Variants in GPLD1 observed in about 807,000 individuals in gnomAD.
The protein encoded by GPLD1 is glycosylphosphatidylinositol specific phospholipase D1, also known as phosphatidylinositol-glycan-specific phospholipase D.
Under a neutral mutation model 112.6 loss-of-function variants are expected in GPLD1, and 84 were observed. The observed-to-expected ratio is 0.75, with a 90% confidence interval of 0.63 to 0.89. GPLD1 has a LOEUF of 0.89. Ranked by LOEUF, GPLD1 falls within the 40% of genes least tolerant of loss-of-function variation. The pLI, the probability that GPLD1 is intolerant of heterozygous loss-of-function variation, is 0.00. For missense variants in GPLD1, 1,044 were observed against 1,051.5 expected, an observed-to-expected ratio of 0.99 and a Z score of 0.10; for synonymous variants, 386 against 403.8, an observed-to-expected ratio of 0.96 and a Z score of 0.53.
chr6:24,450,105 G>T (rs369901351), intron 14 of GPLD1, among the ~76,000 whole-genome samples: 23 of 152,218 alleles, frequency 1.5e-4, no homozygotes, highest in African/African-American at 4.8e-4. Flanking sequence ...TCTGCCTTGA[G>T]GGGAAGCAGA....
chr6:24,483,861 A>G (rs1371430137), intron 2 of GPLD1, among the ~76,000 whole-genome samples: 2 of 151,446 alleles, frequency 1.3e-5, no homozygotes, highest in Non-Finnish European at 2.9e-5. Flanking sequence ...CTCCTGCCTC[A>G]GCCTTCCAAG....
chr6:24,486,699 T>C lies in GPLD1; in HGVS notation c.98-569A>G, dbSNP rs1764388211. 2.0e-5 allele frequency among the ~76,000 whole-genome samples: 3 copies of C among 152,060 alleles called. No homozygotes were observed. In the South Asian group the frequency reaches 6.2e-4, roughly 32 times the overall value. On this transcript the variant is annotated intron_variant, in intron 1 of 24. Transcript: ENST00000230036. The stretch of plus-strand genomic sequence containing the variant: ...CAGGCATGGTGGCGCATGCCTGTAA[T>C]CCCAGCTACTTGGGAGGCTGAGGCA...
intron 12 of GPLD1, among the ~76,000 whole-genome samples, chr6:24,459,045 T>C (rs9467173): frequency 0.43 from 66,027 of 151,864 alleles, 14,557 homozygotes; most frequent in Middle Eastern, 0.5. Flanking sequence ...AAGCCTCTCA[T>C]AGTAACTCAT....
chr6:24,450,050 C>T (rs1763032514), intron 14 of GPLD1, 151 bp from the exon 15 acceptor site: 1 of 582,762 alleles, frequency 1.7e-6, no homozygotes, highest in Admixed American at 3.1e-5. Flanking sequence ...ATCTGCAACA[C>T]ATCAGTTAGG....
intron 20 of GPLD1, among the ~76,000 whole-genome samples, chr6:24,443,964 G>A (rs1184953439): frequency 6.6e-6 from 1 of 152,168 alleles, no homozygotes; most frequent in East Asian, 1.9e-4. Context: ...GTGAGCCACT[G>A]CACCCCGCCT....
At chr6:24,467,983 C>T (rs573977606) in intron 7 of GPLD1, among the ~76,000 whole-genome samples, 10 of 152,082 alleles carry the variant, frequency 6.6e-5, no homozygotes, top group East Asian at 5.8e-4. Context: ...CTCCGTTCAC[C>T]GCAACCTCCG....
At chr6:24,486,529 C>T (rs997821517) in intron 1 of GPLD1, among the ~76,000 whole-genome samples, 4 of 152,146 alleles carry the variant, frequency 2.6e-5, no homozygotes, top group African/African-American at 9.7e-5. Context: ...GAAAAAGAAA[C>T]TGCCAGACCA....
chr6:24,424,258 A>T (rs1762154801), downstream of GPLD1: 1 of 151,776 alleles, frequency 6.6e-6, no homozygotes, highest in East Asian at 1.9e-4. Flanking sequence ...AAATAATTTA[A>T]TATCACCATT....
Position 24,475,112 on chromosome 6 carries a change from T to C in GPLD1, c.441+9A>G, listed in dbSNP as rs765567415. ...CATAAAGTCATTCCCCATAAAGGGA[T>C]GTACTCACAGCTCCCATGGTCCTAA... On this transcript the variant is annotated intron_variant, in intron 5 of 24. Transcript: ENST00000230036. 1.5e-6 allele frequency: 2 copies of C among 1,354,458 alleles called. No individual in the cohort carries two copies. The highest frequency in any genetic ancestry group is 2.3e-5 in the South Asian group (2 of 85,930). The allele number at this position is 1,354,458 out of a possible 1,614,324, so 83.9% of individuals were successfully genotyped here. A position where few individuals can be genotyped will look rare whatever the true frequency, so the allele number is the denominator to read the frequency against.
At chr6:24,440,997 G>GC (rs1291482040) in intron 20 of GPLD1, among the ~76,000 whole-genome samples, 1 of 152,060 alleles carries the variant, frequency 6.6e-6, no homozygotes, top group Non-Finnish European at 1.5e-5. Context: ...GGATGTTCAA[G>GC]CCCCTGATAT....
chr6:24,475,277 T>A, intron 4 of GPLD1, 46 bp from the exon 5 acceptor site: 1 of 955,932 alleles, frequency 1.0e-6, no homozygotes, highest in Non-Finnish European at 1.7e-6. Flanking sequence ...GGTGATTTTA[T>A]AATAACAATC....
At chr6:24,439,755 T>C (rs1165891944) in intron 20 of GPLD1, among the ~76,000 whole-genome samples, 1 of 152,226 alleles carries the variant, frequency 6.6e-6, no homozygotes, top group Admixed American at 6.5e-5. Context: ...ACTTTGGCTT[T>C]TAAAAGGGCT....
At chr6:24,477,659 G>GC (rs1764065195) in intron 3 of GPLD1, among the ~76,000 whole-genome samples, 3 of 152,154 alleles carry the variant, frequency 2.0e-5, no homozygotes, top group Non-Finnish European at 4.4e-5. Context: ...GAGGCCAGGA[G>GC]TTTGAGGCTG....
Position 24,486,191 on chromosome 6 carries a change from C to A in GPLD1, c.98-61G>T, listed in dbSNP as rs909636234. 1.1e-5 allele frequency: 11 copies of A among 968,944 alleles called. No homozygotes were observed. The African/African-American group carries it at 1.3e-4, about 12-fold the overall frequency. 60.0% of individuals were successfully genotyped at this position (968,944 alleles called of 1,614,324 possible). On this transcript the variant is annotated intron_variant, in intron 1 of 24. Coordinates refer to ENST00000230036, the MANE Select transcript of GPLD1 (RefSeq NM_001503.4). ...ACTATTACTGAAAACATAACTTAGG[C>A]GAGATGATTTTAAAAGAAAAATACA...
At chr6:24,447,010 T>A (rs199862879) in intron 17 of GPLD1, 31 bp from the exon 18 acceptor site, 5 of 1,598,352 alleles carry the variant, frequency 3.1e-6, no homozygotes, top group Non-Finnish European at 4.3e-6. Flanking sequence ...TTTTTACTAA[T>A]ACTTTAAGTG....
At chr6:24,433,062 C>T in intron 24 of GPLD1, 125 bp downstream of exon 24, 1 of 775,298 alleles carries the variant, frequency 1.3e-6, no homozygotes, top group Non-Finnish European at 2.4e-6. Context: ...GTGAATGTTA[C>T]TTTCTGTGTG....
downstream of GPLD1, chr6:24,424,571 CCA>C (rs1479693865): frequency 2.0e-5 from 3 of 152,164 alleles, no homozygotes; most frequent in Non-Finnish European, 2.9e-5. Flanking sequence ...CTTCTCATTT[CCA>C]CAGAGATTTG....
At chr6:24,437,000 T>C in intron 21 of GPLD1, 113 bp downstream of exon 21, 1 of 967,302 alleles carries the variant, frequency 1.0e-6, no homozygotes, top group Non-Finnish European at 1.6e-6. Context: ...CTAAAGGTCC[T>C]TGGGCCACTG....
chr6:24,458,288 G>A (rs1462733890), intron 12 of GPLD1, among the ~76,000 whole-genome samples: 5 of 152,070 alleles, frequency 3.3e-5, no homozygotes, highest in Admixed American at 1.3e-4. Flanking sequence ...CTTCTGCTTT[G>A]CCCATTCTAA....
Sources: allele counts gnomAD v4.1 joint callset (sites outside exome capture counted in the v4.1 genomes callset), GRCh38; gene constraint gnomAD v4.1.1; transcripts MANE v1.5; gene names NCBI Gene and HGNC (gene_info 2026-07-23, HGNC 2026-07-21).